The following POC1B variants were observed in gnomAD, a reference collection of about 807,000 sequenced individuals.
POC1B encodes POC1 centriolar protein homolog B.
In POC1B, 44 loss-of-function variants were observed where a neutral mutation model predicts 60.6. The ratio of observed to expected loss-of-function variants is 0.73; its 90% CI spans 0.57 to 0.93. POC1B has a LOEUF of 0.93. Among genes scored for constraint, POC1B ranks in the 40% least tolerant of loss-of-function variants. POC1B has a pLI of 0.00. For synonymous variants in POC1B, 180 were observed against 198.9 expected (o/e 0.90, Z 0.80); for missense variants, 555 against 572.3 (o/e 0.97, Z 0.31).
the POC1B span, among the ~76,000 whole-genome samples, chr12:89,413,270 A>G: frequency 6.6e-6 from 1 of 152,146 alleles, no homozygotes; most frequent in Non-Finnish European, 1.5e-5. Context: ...CACTGGTGCA[A>G]TAATAGCTCT....
At chr12:89,423,334 C>T (rs575970753) in intron 11 of POC1B, among the ~76,000 whole-genome samples, 1 of 152,182 alleles carries the variant, frequency 6.6e-6, no homozygotes, top group East Asian at 1.9e-4. Context: ...AATGGGGTCT[C>T]ACTATATTGC....
At chr12:89,501,086 A>G in intron 2 of POC1B, 1 of 1,188,628 alleles carries the variant, frequency 8.4e-7, no homozygotes, top group Non-Finnish European at 1.3e-6. Context: ...GGGCCTCTGA[A>G]ACAACGCACC....
intron 3 of POC1B, among the ~76,000 whole-genome samples, chr12:89,493,640 T>C (rs1869097793): frequency 6.6e-6 from 1 of 152,184 alleles, no homozygotes; most frequent in South Asian, 2.1e-4. Flanking sequence ...TCAAGTACAA[T>C]GCCTAGAGAA....
the POC1B span, among the ~76,000 whole-genome samples, chr12:89,405,184 A>T: frequency 1.8e-4 from 27 of 152,376 alleles, no homozygotes; most frequent in African/African-American, 6.3e-4. Flanking sequence ...CATGGTTAAA[A>T]AAAATGAACT....
At chr12:89,453,438 T>C (rs1433441142) in intron 10 of POC1B, among the ~76,000 whole-genome samples, 2 of 152,088 alleles carry the variant, frequency 1.3e-5, no homozygotes, top group Non-Finnish European at 2.9e-5. Context: ...TTTCATACCC[T>C]TAGAGCAGGG....
chr12:89,425,375 GT>G lies in POC1B; in HGVS notation c.1117del (p.Thr373GlnfsTer20). 1 of 1,611,762 alleles carries G rather than the reference GT, an allele frequency of 6.2e-7. No individual in the cohort carries two copies. Among genetic ancestry groups the G allele is most frequent in the Admixed American group, 1.7e-5 (1 of 59,632 alleles). On this transcript the variant is annotated frameshift_variant, in exon 11 of 12. Transcript: ENST00000313546. LOFTEE classifies it high-confidence loss of function. ...TGGCAGAGTCCTACCACTGGTTTCTGTTGTCTTTAATGTCACAGAAAATGTA... is the reference window on the plus strand; with the variant it reads ...TGGCAGAGTCCTACCACTGGTTTCTGTGTCTTTAATGTCACAGAAAATGTA... ...DILSFDSTTTTETSGRTLPDK... is the reference protein window; with the variant it reads ...DILSFDSTTTXETSGRTLPDK...
chr12:89,462,050 G>A (rs897103633), intron 9 of POC1B, among the ~76,000 whole-genome samples: 1 of 151,966 alleles, frequency 6.6e-6, no homozygotes, highest in African/African-American at 2.4e-5. Context: ...TCTAAATCAC[G>A]TAGAGTCAGC....
intron 2 of POC1B, among the ~76,000 whole-genome samples, chr12:89,505,884 GA>G (rs578068235): frequency 6.6e-6 from 1 of 152,152 alleles, no homozygotes; most frequent in Non-Finnish European, 1.5e-5. Flanking sequence ...TTGGAAGGAG[GA>G]AAAAGAGTCA....
intron 10 of POC1B, among the ~76,000 whole-genome samples, chr12:89,452,463 T>C (rs1305053707): frequency 6.6e-6 from 1 of 152,152 alleles, no homozygotes; most frequent in Non-Finnish European, 1.5e-5. Flanking sequence ...CAAATCACGT[T>C]TGTCAATAGG....
intron 2 of POC1B, chr12:89,521,987 T>A (rs547471834): frequency 2.5e-6 from 1 of 398,992 alleles, no homozygotes; most frequent in South Asian, 1.3e-4. Flanking sequence ...AAGGGAGGCA[T>A]AGTATTCTGG....
At chr12:89,465,296 A>G (rs1882644947) in intron 9 of POC1B, among the ~76,000 whole-genome samples, 1 of 152,154 alleles carries the variant, frequency 6.6e-6, no homozygotes, top group African/African-American at 2.4e-5. Context: ...CAGAGAAAAA[A>G]TGGCTTGAGT....
intron 10 of POC1B, among the ~76,000 whole-genome samples, chr12:89,445,862 A>G (rs1391393591): frequency 6.6e-6 from 1 of 152,256 alleles, no homozygotes; most frequent in African/African-American, 2.4e-5. Flanking sequence ...TACCCATCTG[A>G]GAAACGGCTA....
chr12:89,515,778 AAGACCCATGTTCTCATCC>A (rs2135763775), intron 2 of POC1B, among the ~76,000 whole-genome samples: 1 of 152,204 alleles, frequency 6.6e-6, no homozygotes, highest in South Asian at 2.1e-4. Context: ...CCAGAACTCC[AAGACCCATGTTCTCATCC>A]AGACCCATGT....
chr12:89,462,495 C>T (rs577745525), intron 9 of POC1B, among the ~76,000 whole-genome samples: 3 of 152,068 alleles, frequency 2.0e-5, no homozygotes, highest in Admixed American at 2.0e-4. Flanking sequence ...GAGGAGTCCA[C>T]GAACATAAAA....
chr12:89,434,719 C>G (rs993931615), intron 10 of POC1B, among the ~76,000 whole-genome samples: 1 of 152,224 alleles, frequency 6.6e-6, no homozygotes, highest in Non-Finnish European at 1.5e-5. Flanking sequence ...TGTGCCATTA[C>G]ACTTTGAAGG....
the POC1B span, among the ~76,000 whole-genome samples, chr12:89,412,919 GTCTCACTCACTCTCGT>G: frequency 7.5e-6 from 1 of 133,240 alleles, no homozygotes. Flanking sequence ...TCCCTTCTTT[GTCTCACTCACTCTCGT>G]CACCCAGGCT....
At chr12:89,463,570 T>C (rs1425542504) in intron 9 of POC1B, among the ~76,000 whole-genome samples, 9 of 152,262 alleles carry the variant, frequency 5.9e-5, no homozygotes, top group Admixed American at 5.2e-4. Flanking sequence ...TCAAGATACC[T>C]TGTGTAAAAA....
intron 10 of POC1B, among the ~76,000 whole-genome samples, chr12:89,444,697 A>G (rs1881691542): frequency 6.6e-6 from 1 of 152,230 alleles, no homozygotes; most frequent in East Asian, 1.9e-4. Context: ...AACTGGCACA[A>G]GACAGGGATG....
chr12:89,436,997 A>G (rs1881298617), intron 10 of POC1B, among the ~76,000 whole-genome samples: 2 of 152,090 alleles, frequency 1.3e-5, no homozygotes, highest in Admixed American at 1.3e-4. Context: ...GCAGCCAAAA[A>G]TTTGAGAGAT....
Sources: gnomAD v4.1 joint callset for allele counts (sites outside exome capture counted in the v4.1 genomes callset) on GRCh38, gnomAD v4.1.1 for gene constraint, MANE v1.5 for transcripts, NCBI Gene and HGNC (gene_info 2026-07-23, HGNC 2026-07-21) for gene names.